The following ITGAM variants were observed in gnomAD, a reference collection of about 807,000 sequenced individuals.
ITGAM encodes integrin alpha-M.
A neutral mutation model predicts 137.5 loss-of-function variants in ITGAM; 79 were observed. The observed-to-expected ratio is 0.57, with a 90% CI of 0.48 to 0.69. ITGAM has a LOEUF of 0.69. ITGAM is among the 30% of genes least tolerant of loss of function. ITGAM has a pLI of 0.00. For synonymous variants in ITGAM, 583 were observed against 592.3 expected (o/e 0.98, Z 0.23); for missense variants, 1,343 against 1,483.5 (o/e 0.91, Z 1.56).
At chr16:31,278,546 TC>T (rs1260984650) in intron 12 of ITGAM, among the ~76,000 whole-genome samples, 4 of 152,162 alleles carry the variant, frequency 2.6e-5, no homozygotes, top group Non-Finnish European at 4.4e-5. Context: ...TAGGATCTGC[TC>T]CAGCCATGCC....
chr16:31,278,062 C>CAGA lies in ITGAM; in HGVS notation c.1311_1313dup (p.Gln437_Asn438insLys). On this transcript the variant is annotated inframe_insertion, in exon 12 of 30. Transcript: ENST00000544665. ...CATCGGCCTGGTAGCGATGTTCAGGCAGAACACTGGCATGTGGGAGTCCAA... is the reference window on the plus strand; with the variant it reads ...CATCGGCCTGGTAGCGATGTTCAGGCAGAAGAACACTGGCATGTGGGAGTCCAA... 6.2e-7 allele frequency: 1 copy of CAGA among 1,608,392 alleles called. No individual in the cohort carries two copies. The highest frequency in any genetic ancestry group is 1.7e-4 in the Middle Eastern group (1 of 6,060).
rs1160641979 is a variant in ITGAM, at chr16:31,330,403, G to A, written c.3156G>A (p.Ser1052=). The stretch of plus-strand genomic sequence containing the variant: ...ATGCTACCCTCAAAGGCAACCTCTC[G>A]TTTGACTGGTACATCAAGGTGTGTG... ...EFNATLKGNL[S]FDWYIKTSHN... The change falls in exon 27 of 30, where the codon TCG becomes TCA. Residue 1052 remains serine, a synonymous_variant. Transcript: ENST00000544665. The A allele has an allele frequency of 1.2e-6, 2 of 1,613,252 alleles. No homozygotes were observed. The highest frequency in any genetic ancestry group is 1.7e-6 in the Non-Finnish European group (2 of 1,179,296).
At chr16:31,307,611 C>G (rs1041919367) in intron 14 of ITGAM, among the ~76,000 whole-genome samples, 2 of 152,130 alleles carry the variant, frequency 1.3e-5, no homozygotes, top group Non-Finnish European at 2.9e-5. Context: ...AATTTGACTT[C>G]CTCTTTTCCT....
Position 31,331,158 on chromosome 16 carries a change from C to G in ITGAM, c.3277-7C>G, listed in dbSNP as rs780966754. 2 of 1,541,786 alleles carry G rather than the reference C, an allele frequency of 1.3e-6. No homozygotes were observed. The highest frequency in any genetic ancestry group is 1.7e-5 in the Admixed American group (1 of 59,420). The stretch of plus-strand genomic sequence containing the variant: ...GTCTCCCCTGACGCCCCTCCTTCCT[C>G]CCCCAGACGGAGACCAAAGTGGAGC... On this transcript the variant is annotated splice_region_variant and splice_polypyrimidine_tract_variant and intron_variant, in intron 28 of 29. Transcript: ENST00000544665.
At chr16:31,299,768 C>T (rs1469774360) in intron 14 of ITGAM, among the ~76,000 whole-genome samples, 1 of 128,472 alleles carries the variant, frequency 7.8e-6, no homozygotes, top group Non-Finnish European at 1.6e-5. Flanking sequence ...CCTCCTCTTC[C>T]TCCTCCTCCT....
In ITGAM at chr16:31,294,295, C is replaced by A. The variant is rs770160216; in HGVS notation, c.1357-3219C>A. Among the ~76,000 whole-genome samples the A allele has an allele frequency of 6.8e-4, 104 of 152,150 alleles. No individual in the cohort carries two copies. The Middle Eastern group carries it at 0.021, about 30-fold the overall frequency. On this transcript the variant is annotated intron_variant, in intron 12 of 29. Transcript: ENST00000544665. ...TAATATGTTGAATAGGACTAGTGAG[C>A]AAAGGCATCCTTGTTTTGTGCTGGC...
At chr16:31,319,056 T>A (rs2080421383) in intron 14 of ITGAM, among the ~76,000 whole-genome samples, 1 of 152,220 alleles carries the variant, frequency 6.6e-6, no homozygotes, top group South Asian at 2.1e-4. Flanking sequence ...TCCATTGTGG[T>A]TGGAAAAGAT....
chr16:31,265,406 G>C lies in ITGAM; in HGVS notation c.146G>C (p.Gly49Ala), dbSNP rs1487400955. ...ACTTCTCCCCACAGGGTGGTGGTTGGAGCCCCCCAGGAGATAGTGGCTGCC... is the reference window on the plus strand; with the variant it reads ...ACTTCTCCCCACAGGGTGGTGGTTGCAGCCCCCCAGGAGATAGTGGCTGCC... The part of the protein sequence containing the change: ...VQLQGSRVVV[G>A]APQEIVAANQ... The change falls in exon 3 of 30, where the codon GGA becomes GCA. Residue 49 changes from glycine to alanine, a missense_variant. Physicochemically the swap from Gly to Ala is moderately conservative, Grantham distance 60. Coordinates refer to ENST00000544665, the MANE Select transcript of ITGAM (RefSeq NM_000632.4). 3 of 1,600,944 alleles carry C rather than the reference G, an allele frequency of 1.9e-6. No homozygotes were observed. Among genetic ancestry groups the C allele is most frequent in the Middle Eastern group, 3.3e-4 (2 of 6,058 alleles).
intron 14 of ITGAM, among the ~76,000 whole-genome samples, chr16:31,318,232 T>C (rs1446964434): frequency 6.6e-6 from 1 of 152,186 alleles, no homozygotes; most frequent in Non-Finnish European, 1.5e-5. Flanking sequence ...CTCTTAATGA[T>C]CCTTTTTATT....
intron 16 of ITGAM, among the ~76,000 whole-genome samples, chr16:31,322,640 G>A (rs1217137814): frequency 6.6e-6 from 1 of 152,156 alleles, no homozygotes; most frequent in African/African-American, 2.4e-5. Context: ...GCAACCAAGA[G>A]AAACAATATA....
At chr16:31,266,806 T>G (rs542056610) in intron 5 of ITGAM, among the ~76,000 whole-genome samples, 100 of 151,886 alleles carry the variant, frequency 6.6e-4, no homozygotes, top group Non-Finnish European at 1.8e-4. Context: ...GGGGGCGGCC[T>G]TCCACACCCC....
chr16:31,304,289 T>A lies in ITGAM; in HGVS notation c.1707+6335T>A, dbSNP rs1268882766. Among the ~76,000 whole-genome samples the A allele has an allele frequency of 3.4e-4, 51 of 152,232 alleles. 1 individual carries two copies. The highest frequency in any genetic ancestry group is 3.3e-3 in the Admixed American group (51 of 15,278). On this transcript the variant is annotated intron_variant, in intron 14 of 29. Transcript: ENST00000544665. ...TTTTGAGAATTGTCTATTCATATCC[T>A]TTGCCTACTTTTTGATGGGATTATT...
intron 14 of ITGAM, among the ~76,000 whole-genome samples, chr16:31,316,538 C>G (rs962813151): frequency 6.6e-6 from 1 of 151,918 alleles, no homozygotes; most frequent in African/African-American, 2.4e-5. Flanking sequence ...ATTTTGATGT[C>G]AGGTAGTGTG....
At chr16:31,321,768 T>A in intron 16 of ITGAM, 141 bp downstream of exon 16, 2 of 851,504 alleles carry the variant, frequency 2.3e-6, no homozygotes, top group Non-Finnish European at 3.6e-6. Context: ...CTTACCTGAG[T>A]GAGCAGGCTA....
At chr16:31,262,476 C>T (rs575229947) in intron 2 of ITGAM, among the ~76,000 whole-genome samples, 1 of 152,014 alleles carries the variant, frequency 6.6e-6, no homozygotes, top group South Asian at 2.1e-4. Context: ...AATCATAGCT[C>T]ACTGTAGACT....
At chr16:31,284,476 C>T (rs1011716829) in intron 12 of ITGAM, among the ~76,000 whole-genome samples, 3 of 121,452 alleles carry the variant, frequency 2.5e-5, no homozygotes, top group Non-Finnish European at 4.8e-5. Flanking sequence ...TGATCTCAAA[C>T]TGCTGTGCTA....
intron 5 of ITGAM, 71 bp from the exon 6 acceptor site, chr16:31,270,883 G>A: frequency 9.2e-7 from 1 of 1,090,392 alleles, no homozygotes; most frequent in South Asian, 2.8e-5. Flanking sequence ...TCAGCAGAGG[G>A]CTGACATGCA....
chr16:31,298,204 C>CAA (rs61202942), intron 14 of ITGAM, among the ~76,000 whole-genome samples: 4,098 of 77,390 alleles, frequency 0.053, 358 homozygotes, highest in African/African-American at 0.18. Flanking sequence ...CCCATCTCTC[C>CAA]AAAAAAAAAA....
chr16:31,330,970 GAT>G (rs1210237350), intron 28 of ITGAM, among the ~76,000 whole-genome samples, 193 bp from the exon 29 acceptor site: 11 of 151,452 alleles, frequency 7.3e-5, no homozygotes, highest in Non-Finnish European at 1.6e-4. Context: ...GGCAGAAAGC[GAT>G]AGAGAGAGAT....
Sources: gnomAD v4.1 joint callset for allele counts (sites outside exome capture counted in the v4.1 genomes callset) on GRCh38, gnomAD v4.1.1 for gene constraint, MANE v1.5 for transcripts, NCBI Gene and HGNC (gene_info 2026-07-23, HGNC 2026-07-21) for gene names.